The following CAPN5 variants were observed in gnomAD, a reference collection of about 807,000 sequenced individuals.
The protein encoded by CAPN5 is calpain-5.
CAPN5 carries 54 observed loss-of-function variants against 73.0 expected under a neutral mutation model. That is an observed-to-expected ratio of 0.74 (90% CI 0.59 to 0.93). The LOEUF (loss-of-function observed/expected upper bound fraction) is 0.93, where lower values mean the gene tolerates loss of function less well. Among genes scored for constraint, CAPN5 ranks in the 40% least tolerant of loss-of-function variants. CAPN5 has a pLI of 0.00. For synonymous variants in CAPN5, 335 were observed against 356.9 expected (o/e 0.94, Z 0.69); for missense variants, 785 against 882.9 (o/e 0.89, Z 1.41).
intron 4 of CAPN5, among the ~76,000 whole-genome samples, chr11:77,113,908 C>T (rs528710890): frequency 2.9e-4 from 44 of 152,158 alleles, no homozygotes; most frequent in Non-Finnish European, 5.0e-4. Context: ...TCCCCAGAAC[C>T]TTCTCATCAT....
At chr11:77,111,104 G>A (rs1950405971) in intron 3 of CAPN5, among the ~76,000 whole-genome samples, 1 of 152,108 alleles carries the variant, frequency 6.6e-6, no homozygotes, top group African/African-American at 2.4e-5. Flanking sequence ...GCCTGTAGCA[G>A]CACTGCGGAT....
At position 77,123,907 on chromosome 11, in the gene CAPN5, A is replaced by G. The variant is rs782624661; in HGVS notation, c.*37A>G. ...CTACCTGGCTCTGACCGTTCCCACC[A>G]CCATCTGCATGTCCCCACTGGGCCT... On this transcript the variant is annotated 3_prime_UTR_variant, in exon 13 of 13. Transcript: ENST00000648180. 31 of 1,591,218 alleles carry G rather than the reference A, an allele frequency of 1.9e-5. No homozygotes were observed. Among genetic ancestry groups the G allele is most frequent in the Non-Finnish European group, 6.0e-6 (7 of 1,165,960 alleles).
At chr11:77,118,829 C>T (rs1950494148) in intron 8 of CAPN5, among the ~76,000 whole-genome samples, 1 of 152,168 alleles carries the variant, frequency 6.6e-6, no homozygotes, top group Admixed American at 6.5e-5. Context: ...GAGTGGCCAC[C>T]CTGGCATTGA....
intron 8 of CAPN5, among the ~76,000 whole-genome samples, chr11:77,118,771 G>T (rs1950493451): frequency 1.3e-5 from 2 of 152,224 alleles, no homozygotes; most frequent in Admixed American, 1.3e-4. Flanking sequence ...TAGCCCTGGT[G>T]CTTGGTGTGC....
chr11:77,114,154 C>T (rs977585762), intron 4 of CAPN5, 88 bp from the exon 5 acceptor site: 50 of 1,262,466 alleles, frequency 4.0e-5, no homozygotes, highest in East Asian at 1.4e-4. Flanking sequence ...TTTGACCCCT[C>T]TGAGTTTCAA....
intron 1 of CAPN5, among the ~76,000 whole-genome samples, chr11:77,072,243 C>G (rs1949916099): frequency 6.6e-6 from 1 of 152,258 alleles, no homozygotes; most frequent in South Asian, 2.1e-4. Context: ...CCCAAACCTT[C>G]CACCTCCTCC....
At position 77,115,549 on chromosome 11, in the gene CAPN5, C is replaced by T; in HGVS notation, c.854C>T (p.Pro285Leu). The change falls in exon 6 of 13, where the codon CCC becomes CTC. Residue 285 changes from proline to leucine, a missense_variant. Pro to Leu is a moderately conservative substitution (Grantham distance 98). Transcript: ENST00000648180. ...TTGGACATGATCCGCCTGCGCAACC[C>T]CTGGGGCGAGCGGGAGTGGAACGGG... ...EKLDMIRLRNPWGEREWNGPW... is the reference protein window; with the variant it reads ...EKLDMIRLRNLWGEREWNGPW... 6.2e-7 allele frequency: 1 copy of T among 1,612,792 alleles called. No homozygotes were observed. Among genetic ancestry groups the T allele is most frequent in the South Asian group, 1.1e-5 (1 of 90,996 alleles).
chr11:77,097,472 T>TTTG (rs1413906685), intron 3 of CAPN5, among the ~76,000 whole-genome samples: 1 of 138,198 alleles, frequency 7.2e-6, no homozygotes, highest in East Asian at 2.0e-4. Context: ...TAGTTTTTTT[T>TTTG]TTTTTTTTTT....
At chr11:77,101,991 C>T (rs1950289862) in intron 3 of CAPN5, among the ~76,000 whole-genome samples, 1 of 152,194 alleles carries the variant, frequency 6.6e-6, no homozygotes, top group Non-Finnish European at 1.5e-5. Context: ...AGCCAGCCAT[C>T]AGTGTCATCC....
intron 1 of CAPN5, among the ~76,000 whole-genome samples, chr11:77,072,721 G>A (rs1238823344): frequency 1.3e-5 from 2 of 152,368 alleles, no homozygotes; most frequent in East Asian, 3.9e-4. Context: ...GTTTCCCAAA[G>A]TGAGAGATGG....
rs185099763 is a variant in CAPN5, at chr11:77,120,713, G to A, written c.1291G>A (p.Val431Met). The A allele has an allele frequency of 7.5e-6, 12 of 1,600,178 alleles. No homozygotes were observed. The East Asian group carries it at 2.2e-4, about 30-fold the overall frequency. The change falls in exon 10 of 13, where the codon GTG (valine) becomes ATG (methionine). Residue 431 changes from valine (V) to methionine (M), a missense_variant and splice_region_variant. Physicochemically the swap from Val to Met is conservative, Grantham distance 21 (BLOSUM62 1). Coordinates refer to ENST00000648180, the MANE Select transcript of CAPN5 (RefSeq NM_004055.5). ...NLAIGFDIYK[V>M]EENRQYRMHS... The stretch of plus-strand genomic sequence containing the variant: ...GCCCAGCCCCTCCCGCCTCCTGCAG[G>A]TGGAGGAGAACCGCCAGTACCGCAT...
chr11:77,102,863 GC>G lies in CAPN5; in HGVS notation c.297+9052del, dbSNP rs1555039107. 3 of 1,603,910 alleles carry G rather than the reference GC, an allele frequency of 1.9e-6. 1 individual carries two copies. In the South Asian group the frequency reaches 3.3e-5, roughly 18 times the overall value. On this transcript the variant is annotated intron_variant, in intron 3 of 12. Coordinates refer to ENST00000648180, the MANE Select transcript of CAPN5 (RefSeq NM_004055.5). The stretch of plus-strand genomic sequence containing the variant: ...CCATGGCGGAGGACAGGCCGCAGCA[GC>G]CGCAGCTGGACATGCCGCTGGTCCT...
chr11:77,090,318 C>T (rs942894419), intron 2 of CAPN5, among the ~76,000 whole-genome samples: 27 of 152,300 alleles, frequency 1.8e-4, no homozygotes, highest in Admixed American at 7.8e-4. Context: ...TGCTCTGCCA[C>T]AGCAAGTCAG....
chr11:77,073,152 G>A (rs1032428278), intron 1 of CAPN5: 84 of 1,267,132 alleles, frequency 6.6e-5, no homozygotes, highest in South Asian at 8.7e-5. Context: ...GGTGGCCACC[G>A]CACTGGGTTG....
At chr11:77,111,610 A>G (rs988366308) in intron 3 of CAPN5, among the ~76,000 whole-genome samples, 1 of 152,208 alleles carries the variant, frequency 6.6e-6, no homozygotes, top group Admixed American at 6.5e-5. Context: ...CATTCAGTCA[A>G]TGCATGTTTA....
At chr11:77,122,856 G>GGAAGACCC in intron 12 of CAPN5, 144 bp downstream of exon 12, 1 of 1,035,346 alleles carries the variant, frequency 9.7e-7, no homozygotes, top group Non-Finnish European at 1.4e-6. Flanking sequence ...GACCCCTGGT[G>GGAAGACCC]TGGCTTTGGG....
At chr11:77,083,825 G>A (rs1049967836) in intron 1 of CAPN5, among the ~76,000 whole-genome samples, 1 of 152,206 alleles carries the variant, frequency 6.6e-6, no homozygotes, top group African/African-American at 2.4e-5. Flanking sequence ...CAGGAGGGTG[G>A]TACCACTGGG....
intron 3 of CAPN5, among the ~76,000 whole-genome samples, chr11:77,100,963 C>T (rs1950277525): frequency 6.6e-6 from 1 of 152,164 alleles, no homozygotes; most frequent in African/African-American, 2.4e-5. Flanking sequence ...AGCCAAAGGC[C>T]CAGTCTCTCT....
rs868937588 is a variant in CAPN5, at chr11:77,125,746, C to T, written c.*1876C>T. 6 of 152,414 alleles carry T rather than the reference C, an allele frequency of 3.9e-5. No homozygotes were observed. Among genetic ancestry groups the T allele is most frequent in the Middle Eastern group, 3.2e-3 (1 of 316 alleles). 9.4% of individuals were successfully genotyped at this position (152,414 alleles called of 1,614,324 possible). A position where few individuals can be genotyped will look rare whatever the true frequency, so the allele number is the denominator to read the frequency against. ...TCAGGCTAACACATAGGACTTTGCT[C>T]AGCCATGTCCCCTGGGATACAGGGG... On this transcript the variant is annotated 3_prime_UTR_variant, in exon 13 of 13. Transcript: ENST00000648180.
Sources: gnomAD v4.1 joint callset for allele counts (sites outside exome capture counted in the v4.1 genomes callset) on GRCh38, gnomAD v4.1.1 for gene constraint, MANE v1.5 for transcripts, NCBI Gene and HGNC (gene_info 2026-07-23, HGNC 2026-07-21) for gene names.